CAMK1: variants seen among roughly 807,000 people sequenced by gnomAD.
CAMK1 encodes the protein calcium/calmodulin-dependent protein kinase type 1.
Under a neutral mutation model 49.1 loss-of-function variants are expected in CAMK1, and 39 were observed. The observed-to-expected ratio is 0.79, with a 90% confidence interval of 0.62 to 1.04. The LOEUF (loss-of-function observed/expected upper bound fraction) is 1.04. Among genes scored for constraint, CAMK1 ranks in the 50% least tolerant of loss-of-function variants. The pLI, the probability that CAMK1 is intolerant of heterozygous loss-of-function variation, is 0.00. For synonymous variants in CAMK1, 192 were observed against 185.2 expected (o/e 1.04, Z -0.30); for missense variants, 457 against 472.2 (o/e 0.97, Z 0.30).
chr3:9,760,824 G>T (rs1362565148), intron 7 of CAMK1, 56 bp from the exon 8 acceptor site: 1 of 1,608,158 alleles, frequency 6.2e-7, no homozygotes, highest in Non-Finnish European at 8.5e-7. Context: ...TGGCTCCGGG[G>T]TGGAGCACTG....
chr3:9,758,637 CTT>C, intron 10 of CAMK1: 2 of 157,940 alleles, frequency 1.3e-5, no homozygotes, highest in Non-Finnish European at 2.7e-5. Context: ...AGAGCTCTTT[CTT>C]TTTTTTTTGA....
Position 9,761,496 on chromosome 3 carries a change from C to T in CAMK1, c.597G>A (p.Val199=), listed in dbSNP as rs2077870118. 1 of 1,613,398 alleles carries T rather than the reference C, an allele frequency of 6.2e-7. No individual in the cohort carries two copies. Among genetic ancestry groups the T allele is most frequent in the Non-Finnish European group, 8.5e-7 (1 of 1,179,642 alleles). The stretch of plus-strand genomic sequence containing the variant: ...CGATGACACCTATGGACCAGCAATC[C>T]ACAGCCTTGCTGTAGGGCTTCTGGG... ...VLAQKPYSKA[V]DCWSIGVIAY... is the part of the protein sequence containing the mutation. Residue 199 remains valine, a synonymous_variant, in exon 7 of 12, where the codon GTG becomes GTA. Transcript: ENST00000256460.
At chr3:9,762,667 AT>A (rs879790415) in intron 5 of CAMK1, among the ~76,000 whole-genome samples, 187 of 146,312 alleles carry the variant, frequency 1.3e-3, no homozygotes, top group Middle Eastern at 7.1e-3. Context: ...GTCTGGCCAG[AT>A]TTTTTTTTTT....
chr3:9,765,460 T>A (rs1323104058), intron 3 of CAMK1, among the ~76,000 whole-genome samples: 1 of 152,110 alleles, frequency 6.6e-6, no homozygotes, highest in Non-Finnish European at 1.5e-5. Context: ...CAACACCAAC[T>A]GAGATATGTG....
At chr3:9,763,342 A>T in intron 3 of CAMK1, 129 bp from the exon 4 acceptor site, 1 of 1,009,256 alleles carries the variant, frequency 9.9e-7, no homozygotes, top group Non-Finnish European at 1.4e-6. Context: ...GCAGTCTGTT[A>T]TGATTGCACC....
At chr3:9,766,775 A>G (rs1241525367) in intron 2 of CAMK1, 1 of 323,830 alleles carries the variant, frequency 3.1e-6, no homozygotes, top group East Asian at 1.3e-4. Context: ...CCTCAGGGAT[A>G]ATTAGTTACT....
chr3:9,759,285 AG>A, intron 10 of CAMK1: 1 of 1,611,076 alleles, frequency 6.2e-7, no homozygotes, highest in Non-Finnish European at 8.5e-7. Context: ...CTAGACTTGG[AG>A]GTGAGGGACC....
chr3:9,761,214 A>G (rs552340744), intron 7 of CAMK1: 112 of 449,848 alleles, frequency 2.5e-4, no homozygotes, highest in African/African-American at 2.0e-3. Flanking sequence ...TACTAGAAAG[A>G]AAGTCAGCTC....
rs531102038 is a variant in CAMK1 at position 9,757,624 on chromosome 3, G to A, written c.1031-3C>T. On this transcript the variant is annotated splice_polypyrimidine_tract_variant and splice_region_variant and intron_variant, in intron 11 of 11. Transcript: ENST00000256460. This position sits in a 1 kb window ranked among gnomAD's most constrained non-coding sequence, Gnocchi z 4.5. ...ACAGCAACAGCCAGCTGCCGGCCCT[G>A]CATGGGAAGACAGAACAGAGGTGGC... 4.0e-4 allele frequency: 649 copies of A among 1,614,186 alleles called. 8 individuals are homozygous for A. The South Asian group carries it at 6.8e-3, about 17-fold the overall frequency.
intron 6 of CAMK1, 31 bp from the exon 7 acceptor site, chr3:9,761,567 A>G (rs780821445): frequency 1.2e-6 from 2 of 1,613,228 alleles, no homozygotes; most frequent in South Asian, 2.2e-5. Flanking sequence ...GGTGGTGACA[A>G]ATCTCTGCCC....
chr3:9,759,363 A>G, intron 10 of CAMK1, 125 bp downstream of exon 10: 10 of 1,550,568 alleles, frequency 6.4e-6, no homozygotes, highest in Non-Finnish European at 8.9e-6. Flanking sequence ...GAAGTCCTTC[A>G]GTAAGGATCC....
intron 8 of CAMK1, chr3:9,760,101 G>A (rs933767092): frequency 3.1e-5 from 7 of 225,220 alleles, no homozygotes; most frequent in African/African-American, 1.1e-4. Flanking sequence ...AAAATTAGCC[G>A]GGCATGGTGG....
rs1299525314 is a variant in CAMK1, at chr3:9,757,544, G to A, written c.1108C>T (p.Leu370Phe). The change falls in exon 12 of 12, where the codon CTC (leucine) becomes TTC (phenylalanine). Residue 370 changes from leucine to phenylalanine, a missense_variant. Physicochemically the swap from Leu to Phe is conservative, Grantham distance 22. Transcript: ENST00000256460. This position sits in a 1 kb window ranked among gnomAD's most constrained non-coding sequence, Gnocchi z 4.5. Reference sequence around the variant, plus strand: ...ATGACCCGAGGTCCAGGGCCCTAGAGCTGGTGGGGCAGTGTGGGGGACAGT... The same window carrying A: ...ATGACCCGAGGTCCAGGGCCCTAGAACTGGTGGGGCAGTGTGGGGGACAGT... The part of the protein sequence containing the change: ...TELSPTLPHQ[L>F] 1 of 1,613,134 alleles carries A rather than the reference G, an allele frequency of 6.2e-7. No individual in the cohort carries two copies. The highest frequency in any genetic ancestry group is 8.5e-7 in the Non-Finnish European group (1 of 1,179,354).
chr3:9,767,700 C>G lies in CAMK1; in HGVS notation c.50G>C (p.Arg17Thr). ...AACATCTCGGAAGTCGTAGATGTCT[C>G]TAATGTCCTCCGCCTGCTTCCACCT... ...GPRWKQAEDI[R>T]DIYDFRDVLG... The change falls in exon 2 of 12, where the codon AGA (arginine) becomes ACA (threonine). Residue 17 changes from arginine (R) to threonine (T), a missense_variant. Physicochemically the swap from Arg to Thr is moderately conservative, Grantham distance 71. Coordinates refer to ENST00000256460, the MANE Select transcript of CAMK1 (RefSeq NM_003656.5). The G allele has an allele frequency of 6.2e-7, 1 of 1,614,156 alleles. No individual in the cohort carries two copies. Among genetic ancestry groups the G allele is most frequent in the Non-Finnish European group, 8.5e-7 (1 of 1,180,008 alleles).
chr3:9,767,314 G>A (rs967328322), intron 2 of CAMK1, among the ~76,000 whole-genome samples: 1 of 152,162 alleles, frequency 6.6e-6, no homozygotes, highest in Non-Finnish European at 1.5e-5. Context: ...GAAGGGCAGA[G>A]ACCAGGTTTG....
At chr3:9,764,619 T>G (rs1033590273) in intron 3 of CAMK1, among the ~76,000 whole-genome samples, 1 of 124,798 alleles carries the variant, frequency 8.0e-6, no homozygotes, top group Non-Finnish European at 1.6e-5. Context: ...GCGTTTTTGT[T>G]TTTTTTTTGT....
At chr3:9,767,916 ACATT>A in intron 1 of CAMK1, 135 bp from the exon 2 acceptor site, 1 of 1,295,674 alleles carries the variant, frequency 7.7e-7, no homozygotes, top group Non-Finnish European at 1.0e-6. Flanking sequence ...CATTCAACAA[ACATT>A]CATTTGTTTA....
intron 10 of CAMK1, chr3:9,758,162 CATTT>C (rs1459693242): frequency 4.8e-6 from 1 of 206,940 alleles, no homozygotes; most frequent in East Asian, 1.1e-4. Context: ...CGTAGTAATT[CATTT>C]AATCTTCATG....
intron 2 of CAMK1, chr3:9,766,147 C>T: frequency 9.8e-7 from 1 of 1,020,540 alleles, no homozygotes; most frequent in Non-Finnish European, 1.5e-6. Flanking sequence ...AATGAGTCTC[C>T]TGTTGAGCTG....
Sources: allele counts gnomAD v4.1 joint callset (sites outside exome capture counted in the v4.1 genomes callset), GRCh38; gene constraint gnomAD v4.1.1; non-coding constraint Gnocchi (gnomAD v3.1); transcripts MANE v1.5; gene names NCBI Gene and HGNC (gene_info 2026-07-23, HGNC 2026-07-21).